ADAMTSL3: variants seen among roughly 807,000 people sequenced by gnomAD.
ADAMTSL3 encodes the protein ADAMTS-like protein 3.
A neutral mutation model predicts 201.7 loss-of-function variants in ADAMTSL3; 128 were observed. The ratio of observed to expected loss-of-function variants is 0.63; its 90% CI spans 0.55 to 0.73. The LOEUF (loss-of-function observed/expected upper bound fraction) is 0.73, where lower values mean the gene tolerates loss of function less well. Among genes scored for constraint, ADAMTSL3 ranks in the 30% least tolerant of loss-of-function variants. The probability of loss-of-function intolerance (pLI) is 0.00; values close to 1 mark genes in which losing one functional copy is unlikely to be tolerated. For synonymous variants in ADAMTSL3, 738 were observed against 748.4 expected (o/e 0.99, Z 0.23); for missense variants, 1,990 against 2,119.6 (o/e 0.94, Z 1.20).
At chr15:83,904,610 A>T (rs1452907623) in intron 15 of ADAMTSL3, among the ~76,000 whole-genome samples, 2 of 152,180 alleles carry the variant, frequency 1.3e-5, no homozygotes, top group African/African-American at 2.4e-5. Context: ...ATAGTGTATA[A>T]ATCTAAGCCA....
chr15:83,771,576 A>G (rs1330065657), intron 3 of ADAMTSL3, among the ~76,000 whole-genome samples: 2 of 152,182 alleles, frequency 1.3e-5, no homozygotes, highest in African/African-American at 2.4e-5. Context: ...CACATAACCT[A>G]ATGTCCTCAA....
intron 13 of ADAMTSL3, among the ~76,000 whole-genome samples, chr15:83,895,072 T>C (rs1015027417): frequency 1.3e-5 from 2 of 152,244 alleles, no homozygotes; most frequent in African/African-American, 4.8e-5. Context: ...CTGGGAAAGC[T>C]TGTTCACATA....
chr15:83,971,131 A>G (rs567096575), intron 20 of ADAMTSL3, among the ~76,000 whole-genome samples: 10 of 152,374 alleles, frequency 6.6e-5, no homozygotes, highest in Admixed American at 4.6e-4. Flanking sequence ...TTAATTATGA[A>G]TAATGAGCTT....
chr15:83,932,729 C>A (rs1165695026), intron 17 of ADAMTSL3, among the ~76,000 whole-genome samples: 2 of 152,104 alleles, frequency 1.3e-5, no homozygotes, highest in African/African-American at 2.4e-5. Flanking sequence ...TGATGTAAAT[C>A]CTGCAAGGAG....
At chr15:83,853,178 T>A (rs1367823988) in intron 7 of ADAMTSL3, among the ~76,000 whole-genome samples, 2 of 152,220 alleles carry the variant, frequency 1.3e-5, no homozygotes, top group Non-Finnish European at 2.9e-5. Context: ...TTTTAAAAGT[T>A]CATTCCAACA....
chr15:83,687,195 C>T (rs879942624), intron 2 of ADAMTSL3, among the ~76,000 whole-genome samples: 3 of 152,114 alleles, frequency 2.0e-5, no homozygotes, highest in African/African-American at 2.4e-5. Flanking sequence ...CAGAGTGAAA[C>T]TCTATCTCTA....
chr15:83,777,445 T>C (rs2063096207), intron 4 of ADAMTSL3, among the ~76,000 whole-genome samples: 2 of 152,284 alleles, frequency 1.3e-5, no homozygotes, highest in Non-Finnish European at 1.5e-5. Flanking sequence ...GAGAACAAAG[T>C]TGGGGCCCAA....
At chr15:83,988,989 C>G (rs2067536110) in intron 22 of ADAMTSL3, among the ~76,000 whole-genome samples, 171 bp downstream of exon 22, 1 of 151,792 alleles carries the variant, frequency 6.6e-6, no homozygotes, top group Non-Finnish European at 1.5e-5. Context: ...TCACGCCATT[C>G]TCCAGCCTCA....
chr15:83,979,916 T>A (rs1177530220), intron 20 of ADAMTSL3, among the ~76,000 whole-genome samples: 1 of 152,204 alleles, frequency 6.6e-6, no homozygotes, highest in African/African-American at 2.4e-5. Flanking sequence ...GCTGGGGTAA[T>A]GGTCCTCGAA....
intron 2 of ADAMTSL3, among the ~76,000 whole-genome samples, chr15:83,669,131 G>A (rs1344039181): frequency 2.6e-5 from 4 of 152,150 alleles, no homozygotes; most frequent in African/African-American, 9.7e-5. Flanking sequence ...GTATCTCTGT[G>A]TGTTGGAGGA....
intron 6 of ADAMTSL3, among the ~76,000 whole-genome samples, chr15:83,822,103 C>T (rs1208275100): frequency 1.4e-5 from 2 of 145,680 alleles, no homozygotes; most frequent in African/African-American, 2.6e-5. Context: ...ACCTCCCGGA[C>T]GGGGCGCCTG....
Position 83,913,347 on chromosome 15 carries a change from G to C in ADAMTSL3, c.1956G>C (p.Gly652=). 2 of 1,613,562 alleles carry C rather than the reference G, an allele frequency of 1.2e-6. No individual in the cohort carries two copies. The highest frequency in any genetic ancestry group is 1.7e-6 in the Non-Finnish European group (2 of 1,179,996). Residue 652 remains glycine (G), a synonymous_variant, in exon 16 of 30, where the codon GGG becomes GGC. Transcript: ENST00000286744. ...CGACTTACGACTGGGAGTACGCTGG[G>C]TTCACCCCTTGCACAGCAACATGCG... ...SETTYDWEYA[G]FTPCTATCVG...
chr15:83,748,469 G>A (rs1019219638), intron 3 of ADAMTSL3, among the ~76,000 whole-genome samples: 12 of 151,976 alleles, frequency 7.9e-5, no homozygotes, highest in Admixed American at 3.3e-4. Context: ...GCAACATGGC[G>A]AAACCCTGTC....
At chr15:83,803,029 G>C (rs1343855473) in intron 4 of ADAMTSL3, among the ~76,000 whole-genome samples, 2 of 152,082 alleles carry the variant, frequency 1.3e-5, no homozygotes, top group African/African-American at 4.8e-5. Flanking sequence ...AATAATGCTT[G>C]TATAATGGAC....
intron 6 of ADAMTSL3, among the ~76,000 whole-genome samples, chr15:83,834,729 T>TG (rs1238174143): frequency 1.3e-5 from 2 of 152,358 alleles, no homozygotes; most frequent in African/African-American, 4.8e-5. Flanking sequence ...TTGTGTAACT[T>TG]GTCTCATTAA....
chr15:83,723,504 G>C (rs910962055), intron 3 of ADAMTSL3, among the ~76,000 whole-genome samples: 2 of 152,104 alleles, frequency 1.3e-5, no homozygotes, highest in Non-Finnish European at 2.9e-5. Context: ...AAAATACATT[G>C]ATATTATTAT....
intron 2 of ADAMTSL3, among the ~76,000 whole-genome samples, chr15:83,684,906 A>G (rs936917204): frequency 3.3e-5 from 5 of 152,198 alleles, no homozygotes; most frequent in African/African-American, 7.2e-5. Flanking sequence ...CTTGAGGTTT[A>G]CTAGCTTTTG....
intron 13 of ADAMTSL3, among the ~76,000 whole-genome samples, chr15:83,896,702 AT>A (rs531332999): frequency 1.3e-5 from 2 of 151,888 alleles, no homozygotes; most frequent in South Asian, 2.1e-4. Flanking sequence ...TAGTCTATCA[AT>A]TTTTTTTAAT....
chr15:83,801,213 A>G (rs1287429466), intron 4 of ADAMTSL3, among the ~76,000 whole-genome samples: 2 of 152,214 alleles, frequency 1.3e-5, no homozygotes, highest in Admixed American at 6.5e-5. Context: ...ATCTGGGAAG[A>G]TGTTCTGAAC....
Sources: allele counts gnomAD v4.1 joint callset (sites outside exome capture counted in the v4.1 genomes callset), GRCh38; gene constraint gnomAD v4.1.1; transcripts MANE v1.5; gene names NCBI Gene and HGNC (gene_info 2026-07-23, HGNC 2026-07-21).